The following EVI5 variants were observed in gnomAD, a reference collection of about 807,000 sequenced individuals.
EVI5 encodes the protein ecotropic viral integration site 5, also known as ecotropic viral integration site 5 protein homolog.
A neutral mutation model predicts 112.0 loss-of-function variants in EVI5; 73 were observed. That is an observed-to-expected ratio of 0.65 (90% CI 0.54 to 0.79). The LOEUF (loss-of-function observed/expected upper bound fraction) is 0.79. Ranked by LOEUF, EVI5 falls within the 30% of genes least tolerant of loss-of-function variation. The pLI, the probability that EVI5 is intolerant of heterozygous loss-of-function variation, is 0.00. For synonymous variants in EVI5, 305 were observed against 319.9 expected, an observed-to-expected ratio of 0.95 and a Z score of 0.50; for missense variants, 900 against 968.8, an observed-to-expected ratio of 0.93 and a Z score of 0.94.
At chr1:92,767,082 C>CA (rs35316799) in intron 1 of EVI5, among the ~76,000 whole-genome samples, 57,258 of 113,104 alleles carry the variant, frequency 0.51, 14,803 homozygotes, top group East Asian at 0.76. Flanking sequence ...GACTCCCTCT[C>CA]AAAAAAAAAA....
chr1:92,692,214 T>A (rs1451665004), intron 9 of EVI5, among the ~76,000 whole-genome samples: 1 of 152,114 alleles, frequency 6.6e-6, no homozygotes, highest in Non-Finnish European at 1.5e-5. Context: ...CAGGATTAAT[T>A]GAAATTTCAG....
In EVI5 at chr1:92,508,871, A is replaced by C. The variant is rs1318006443; in HGVS notation, c.*4785T>G. On this transcript the variant is annotated 3_prime_UTR_variant, in exon 20 of 20. Coordinates refer to ENST00000684568, the MANE Select transcript of EVI5 (RefSeq NM_001350197.2). ...ATCATCTCCTCTTTGGAGTAAAAAGAAGGGATAGGCAGATCAATGGATGTG... is the reference window on the plus strand; with the variant it reads ...ATCATCTCCTCTTTGGAGTAAAAAGCAGGGATAGGCAGATCAATGGATGTG... The C allele has an allele frequency of 6.6e-6, 1 of 152,404 alleles. No homozygotes were observed. The highest frequency in any genetic ancestry group is 1.9e-4 in the East Asian group (1 of 5,202). 9.4% of individuals were successfully genotyped at this position (152,404 alleles called of 1,614,324 possible). A position where few individuals can be genotyped will look rare whatever the true frequency, so the allele number is the denominator to read the frequency against.
At chr1:92,734,626 G>A (rs2102797987) in intron 2 of EVI5, among the ~76,000 whole-genome samples, 1 of 152,154 alleles carries the variant, frequency 6.6e-6, no homozygotes, top group South Asian at 2.1e-4. Context: ...GACATGTATA[G>A]TGGCTTTAGA....
chr1:92,515,648 G>A (rs912447189), intron 19 of EVI5, among the ~76,000 whole-genome samples: 1 of 152,102 alleles, frequency 6.6e-6, no homozygotes, highest in Non-Finnish European at 1.5e-5. Flanking sequence ...TGTTTCTCAG[G>A]GACAAACTCC....
intron 18 of EVI5, among the ~76,000 whole-genome samples, chr1:92,576,891 C>T (rs539373192): frequency 6.6e-6 from 1 of 152,240 alleles, no homozygotes; most frequent in Non-Finnish European, 1.5e-5. Context: ...CTGGAATATT[C>T]ACTGGAATAA....
At chr1:92,614,242 T>C (rs1652532729) in intron 16 of EVI5, among the ~76,000 whole-genome samples, 1 of 152,128 alleles carries the variant, frequency 6.6e-6, no homozygotes, top group South Asian at 2.1e-4. Context: ...GAAAAACTAT[T>C]TGACTCAGTC....
chr1:92,783,983 T>A (rs371230493), intron 1 of EVI5, among the ~76,000 whole-genome samples: 1 of 152,188 alleles, frequency 6.6e-6, no homozygotes, highest in Non-Finnish European at 1.5e-5. Context: ...CTGGAATTCA[T>A]TCTTTCGGCA....
At chr1:92,594,638 A>T (rs1183889144) in intron 18 of EVI5, among the ~76,000 whole-genome samples, 1 of 152,022 alleles carries the variant, frequency 6.6e-6, no homozygotes, top group African/African-American at 2.4e-5. Flanking sequence ...CAGCCTACAG[A>T]ATGGGAGAAA....
intron 10 of EVI5, among the ~76,000 whole-genome samples, chr1:92,672,243 G>A (rs1666004095): frequency 1.3e-5 from 2 of 152,120 alleles, no homozygotes; most frequent in African/African-American, 4.8e-5. Flanking sequence ...GTCCTTCTCT[G>A]CTGAAAACTG....
At chr1:92,632,277 T>G (rs1657340205) in intron 14 of EVI5, among the ~76,000 whole-genome samples, 1 of 152,208 alleles carries the variant, frequency 6.6e-6, no homozygotes, top group African/African-American at 2.4e-5. Flanking sequence ...TCCTTGTACC[T>G]CTGGTAGAAT....
chr1:92,771,108 G>C lies in EVI5; in HGVS notation c.-82+13728C>G, dbSNP rs141223417. 1.5e-3 allele frequency among the ~76,000 whole-genome samples: 233 copies of C among 152,042 alleles called. 2 individuals are homozygous for C. Among genetic ancestry groups the C allele is most frequent in the Middle Eastern group, 0.01 (3 of 294 alleles). On this transcript the variant is annotated intron_variant, in intron 1 of 19. Transcript: ENST00000684568. ...TGGGATTACAGGAGAGAGCCACAGCGCCTGGCGAGAAGTCTGTATTTTTAC... is the reference window on the plus strand; with the variant it reads ...TGGGATTACAGGAGAGAGCCACAGCCCCTGGCGAGAAGTCTGTATTTTTAC...
At chr1:92,703,932 CA>C (rs57830016) in intron 3 of EVI5, 894 of 81,968 alleles carry the variant, frequency 0.011, 23 homozygotes, top group African/African-American at 0.041. Context: ...CTGTTGAAGG[CA>C]AAAAAAAAAA....
chr1:92,614,878 A>ATT (rs1652743687), intron 16 of EVI5, among the ~76,000 whole-genome samples: 1 of 2,564 alleles, frequency 3.9e-4, no homozygotes, highest in Admixed American at 5.3e-3. Context: ...ATATATATAT[A>ATT]TATATATCTC....
intron 9 of EVI5, among the ~76,000 whole-genome samples, chr1:92,685,316 A>G (rs574124723): frequency 6.6e-6 from 1 of 152,366 alleles, no homozygotes; most frequent in African/African-American, 2.4e-5. Flanking sequence ...TGGGTACATA[A>G]CAAAATGAAG....
intron 3 of EVI5, chr1:92,703,833 C>A: frequency 5.0e-6 from 2 of 396,212 alleles, no homozygotes; most frequent in Non-Finnish European, 4.4e-6. Context: ...TAATAATGAT[C>A]ATTTCACCTC....
intron 2 of EVI5, among the ~76,000 whole-genome samples, chr1:92,728,492 G>A (rs1232144624): frequency 6.6e-6 from 1 of 151,790 alleles, no homozygotes; most frequent in Non-Finnish European, 1.5e-5. Flanking sequence ...GGTTCAAACA[G>A]TTCTCCTGCC....
chr1:92,749,350 T>G (rs183968859), intron 1 of EVI5: 1 of 182,472 alleles, frequency 5.5e-6, no homozygotes, highest in East Asian at 1.7e-4. Flanking sequence ...ATTTTTAACT[T>G]CTTAAAAGGC....
In EVI5 at chr1:92,561,601, AATCTATCCTATCTATCTATCTATCTATCT is replaced by A. The variant is rs1557789960; in HGVS notation, c.2166+2012_2166+2040del. ...TATCTATCTATCTATCTATCTATCTAATCTATCCTATCTATCTATCTATCTATCTATCTATCTATCTATCTATCTATCTA... is the reference window on the plus strand; with the variant it reads ...TATCTATCTATCTATCTATCTATCTAATCTATCTATCTATCTATCTATCTA... On this transcript the variant is annotated intron_variant, in intron 19 of 19. Coordinates refer to ENST00000684568, the MANE Select transcript of EVI5 (RefSeq NM_001350197.2). Among the ~76,000 whole-genome samples, 6 of 128,340 alleles carry A rather than the reference AATCTATCCTATCTATCTATCTATCTATCT, an allele frequency of 4.7e-5. No individual in the cohort carries two copies. In the Admixed American group the frequency reaches 4.7e-4, roughly 10 times the overall value. 84.2% of individuals were successfully genotyped at this position (128,340 alleles called of 152,430 possible).
chr1:92,665,607 C>T (rs534384856), intron 11 of EVI5, among the ~76,000 whole-genome samples: 36 of 152,292 alleles, frequency 2.4e-4, no homozygotes, highest in African/African-American at 8.7e-4. Flanking sequence ...ACATTTGAAA[C>T]TCATCTTTAA....
Sources: allele counts gnomAD v4.1 joint callset (sites outside exome capture counted in the v4.1 genomes callset), GRCh38; gene constraint gnomAD v4.1.1; transcripts MANE v1.5; gene names NCBI Gene and HGNC (gene_info 2026-07-23, HGNC 2026-07-21).